Variants in SDK1 observed in about 807,000 individuals in gnomAD.
The protein encoded by SDK1 is protein sidekick-1.
In SDK1, 157 loss-of-function variants were observed where a neutral mutation model predicts 245.5. The observed-to-expected ratio is 0.64, with a 90% CI of 0.56 to 0.73. The LOEUF (loss-of-function observed/expected upper bound fraction) is 0.73, where lower values mean the gene tolerates loss of function less well. Among genes scored for constraint, SDK1 ranks in the 30% least tolerant of loss-of-function variants. The pLI is 0.00. For missense variants in SDK1, 3,583 were observed against 3,002.3 expected, an observed-to-expected ratio of 1.19 and a Z score of -4.52; for synonymous variants, 1,647 against 1,278.5, an observed-to-expected ratio of 1.29 and a Z score of -6.15.
At chr7:3,613,968 T>G (rs1486496971) in intron 1 of SDK1, among the ~76,000 whole-genome samples, 1 of 152,148 alleles carries the variant, frequency 6.6e-6, no homozygotes. Context: ...CATTGAGTCC[T>G]GTTGGAGCGT....
intron 4 of SDK1, among the ~76,000 whole-genome samples, chr7:3,776,678 C>G (rs1344267964): frequency 6.7e-6 from 1 of 149,296 alleles, no homozygotes; most frequent in Non-Finnish European, 1.5e-5. Context: ...AAAACAACCA[C>G]TAGGAAAAAG....
At chr7:3,802,853 A>G (rs367812648) in intron 4 of SDK1, among the ~76,000 whole-genome samples, 64 of 152,298 alleles carry the variant, frequency 4.2e-4, no homozygotes, top group African/African-American at 1.2e-3. Flanking sequence ...CTCTTCACCA[A>G]TTGAGGAACA....
At chr7:4,087,192 G>T (rs889514452) in intron 22 of SDK1, among the ~76,000 whole-genome samples, 21 of 152,080 alleles carry the variant, frequency 1.4e-4, no homozygotes, top group African/African-American at 5.1e-4. Flanking sequence ...ATTTGGAACT[G>T]GTTCTTGTAT....
chr7:4,150,391 AAG>A (rs1187535386), intron 30 of SDK1, among the ~76,000 whole-genome samples: 11 of 152,268 alleles, frequency 7.2e-5, no homozygotes, highest in Non-Finnish European at 4.4e-5. Flanking sequence ...ACCAATGACT[AAG>A]AGGGTAGAGG....
intron 12 of SDK1, among the ~76,000 whole-genome samples, chr7:3,971,774 A>G (rs945324706): frequency 2.6e-5 from 4 of 152,228 alleles, no homozygotes; most frequent in East Asian, 1.9e-4. Context: ...ACAGTGAGCT[A>G]TGTTCCACTT....
chr7:4,108,256 G>C (rs371003361), intron 22 of SDK1, among the ~76,000 whole-genome samples: 42 of 152,314 alleles, frequency 2.8e-4, no homozygotes, highest in African/African-American at 9.4e-4. Context: ...CCTCAGTCCT[G>C]TCTGACTCAA....
At chr7:3,694,267 A>G (rs2114999328) in intron 4 of SDK1, among the ~76,000 whole-genome samples, 1 of 152,300 alleles carries the variant, frequency 6.6e-6, no homozygotes, top group African/African-American at 2.4e-5. Flanking sequence ...GGCGAATCTA[A>G]GAGATGGCCA....
At chr7:3,988,655 C>T (rs1287183982) in intron 14 of SDK1, among the ~76,000 whole-genome samples, 1 of 152,198 alleles carries the variant, frequency 6.6e-6, no homozygotes, top group African/African-American at 2.4e-5. Flanking sequence ...TATCTCATCT[C>T]ATGGCATGTT....
At chr7:3,385,760 G>A (rs375876728) in intron 1 of SDK1, among the ~76,000 whole-genome samples, 5 of 152,144 alleles carry the variant, frequency 3.3e-5, no homozygotes, top group African/African-American at 1.2e-4. Flanking sequence ...GAGGTGAGAT[G>A]GAGATCATAT....
chr7:3,400,927 T>TC (rs1226363806), intron 1 of SDK1, among the ~76,000 whole-genome samples: 1 of 151,986 alleles, frequency 6.6e-6, no homozygotes, highest in Non-Finnish European at 1.5e-5. Context: ...CTCGTGTAGG[T>TC]CTGCCTCAGC....
intron 1 of SDK1, among the ~76,000 whole-genome samples, chr7:3,554,776 T>C (rs1779532267): frequency 6.6e-6 from 1 of 152,194 alleles, no homozygotes; most frequent in Admixed American, 6.5e-5. Context: ...AAAGGAGTAG[T>C]ATTTGTCTAT....
At chr7:4,199,002 CG>C (rs1427714891) in intron 35 of SDK1, among the ~76,000 whole-genome samples, 6 of 151,862 alleles carry the variant, frequency 4.0e-5, no homozygotes, top group Non-Finnish European at 5.9e-5. Flanking sequence ...TTAGTAGAGA[CG>C]GGGGTTTCAC....
chr7:4,099,878 G>A (rs551256059), intron 22 of SDK1, among the ~76,000 whole-genome samples: 26 of 152,148 alleles, frequency 1.7e-4, no homozygotes, highest in African/African-American at 5.5e-4. Flanking sequence ...GCTGGTCACC[G>A]AGCTCGCTGG....
chr7:3,506,697 G>A (rs899860397), intron 1 of SDK1, among the ~76,000 whole-genome samples: 1 of 152,070 alleles, frequency 6.6e-6, no homozygotes, highest in Non-Finnish European at 1.5e-5. Context: ...GTTGTATTCA[G>A]ATTCACTGAT....
chr7:3,703,668 G>C (rs1784805003), intron 4 of SDK1, among the ~76,000 whole-genome samples: 1 of 152,154 alleles, frequency 6.6e-6, no homozygotes, highest in East Asian at 1.9e-4. Flanking sequence ...TCAGGGTAAA[G>C]GGCGCCTGAT....
chr7:3,788,215 A>G (rs976248193), intron 4 of SDK1, among the ~76,000 whole-genome samples: 3 of 152,166 alleles, frequency 2.0e-5, no homozygotes, highest in Admixed American at 6.5e-5. Flanking sequence ...CTCAACAGTC[A>G]TGGGTGGCTA....
chr7:4,242,411 C>G (rs1478008763), intron 43 of SDK1, among the ~76,000 whole-genome samples: 2 of 152,182 alleles, frequency 1.3e-5, no homozygotes, highest in African/African-American at 4.8e-5. Flanking sequence ...ATTTTCATCA[C>G]CATAGCCTCC....
intron 1 of SDK1, among the ~76,000 whole-genome samples, chr7:3,603,941 A>T (rs1475688331): frequency 5.3e-5 from 8 of 152,160 alleles, no homozygotes; most frequent in Non-Finnish European, 1.2e-4. Context: ...TGAGATAATC[A>T]TGTGGTTTTT....
At chr7:3,908,582 CA>C (rs796415821) in intron 5 of SDK1, among the ~76,000 whole-genome samples, 5 of 152,138 alleles carry the variant, frequency 3.3e-5, no homozygotes, top group African/African-American at 1.2e-4. Context: ...AGCCACCATT[CA>C]TCTCTTCCTT....
Sources: allele counts gnomAD v4.1 joint callset (sites outside exome capture counted in the v4.1 genomes callset), GRCh38; gene constraint gnomAD v4.1.1; transcripts MANE v1.5; gene names NCBI Gene and HGNC (gene_info 2026-07-23, HGNC 2026-07-21).